ARHGAP32: variants seen among roughly 807,000 people sequenced by gnomAD.
ARHGAP32 encodes Rho GTPase activating protein 32, also known as rho GTPase-activating protein 32.
Under a neutral mutation model 186.5 loss-of-function variants are expected in ARHGAP32, and 51 were observed. The ratio of observed to expected loss-of-function variants is 0.27; its 90% CI spans 0.22 to 0.35. The LOEUF (loss-of-function observed/expected upper bound fraction) is 0.35. ARHGAP32 is among the 10% of genes least tolerant of loss of function. The probability of loss-of-function intolerance (pLI) is 1.00; values close to 1 mark genes in which losing one functional copy is unlikely to be tolerated. For missense variants in ARHGAP32, 2,186 were observed against 2,623.5 expected, an observed-to-expected ratio of 0.83 and a Z score of 3.64; for synonymous variants, 950 against 964.3, an observed-to-expected ratio of 0.99 and a Z score of 0.27.
intron 10 of ARHGAP32, among the ~76,000 whole-genome samples, chr11:129,041,809 G>A (rs1336467295): frequency 6.6e-6 from 1 of 152,198 alleles, no homozygotes; most frequent in Non-Finnish European, 1.5e-5. Flanking sequence ...GGAAACAAAA[G>A]CAAAGAGGAA....
At chr11:128,997,096 G>A (rs1365111566) in intron 12 of ARHGAP32, among the ~76,000 whole-genome samples, 1 of 152,092 alleles carries the variant, frequency 6.6e-6, no homozygotes, top group Middle Eastern at 3.2e-3. Flanking sequence ...TGCTTTTCTA[G>A]TTTTGAATAT....
intron 10 of ARHGAP32, among the ~76,000 whole-genome samples, chr11:129,044,880 C>G (rs571168835): frequency 5.9e-4 from 88 of 150,004 alleles, no homozygotes; most frequent in African/African-American, 2.1e-3. Flanking sequence ...GTTCGAGTAT[C>G]TTTTGGCAAA....
At chr11:129,099,836 A>G (rs1418706060) in intron 5 of ARHGAP32, among the ~76,000 whole-genome samples, 1 of 151,964 alleles carries the variant, frequency 6.6e-6, no homozygotes, top group Non-Finnish European at 1.5e-5. Context: ...CGTGCTTCTA[A>G]CAGATCTTCA....
At chr11:129,096,715 T>C (rs1376586436) in intron 5 of ARHGAP32, among the ~76,000 whole-genome samples, 1 of 152,218 alleles carries the variant, frequency 6.6e-6, no homozygotes, top group Non-Finnish European at 1.5e-5. Context: ...ATGTGTCCAT[T>C]ACACCTAGCT....
At chr11:129,148,055 A>G (rs1052430663) in intron 2 of ARHGAP32, among the ~76,000 whole-genome samples, 9 of 152,216 alleles carry the variant, frequency 5.9e-5, no homozygotes, top group Admixed American at 1.3e-4. Context: ...ATCTTAAGTT[A>G]CTTACATGAA....
chr11:129,053,107 A>C (rs1940122819), intron 10 of ARHGAP32, among the ~76,000 whole-genome samples: 1 of 152,036 alleles, frequency 6.6e-6, no homozygotes, highest in Non-Finnish European at 1.5e-5. Flanking sequence ...AAAACAAATA[A>C]AGTGTTCTTT....
chr11:129,221,888 C>T (rs1944717374), intron 1 of ARHGAP32, among the ~76,000 whole-genome samples: 2 of 152,074 alleles, frequency 1.3e-5, no homozygotes, highest in South Asian at 4.1e-4. Flanking sequence ...TCCTCCTGGA[C>T]GTACCCACAG....
intron 1 of ARHGAP32, among the ~76,000 whole-genome samples, chr11:129,256,761 T>C (rs982987491): frequency 2.0e-5 from 3 of 152,158 alleles, no homozygotes; most frequent in Non-Finnish European, 4.4e-5. Flanking sequence ...AATGTTTAGA[T>C]GCATGTAAAA....
rs1420708180 is a variant in ARHGAP32, at chr11:129,124,703, A to G, written c.317+100T>C. 1.7e-5 allele frequency: 15 copies of G among 862,926 alleles called. 1 individual carries two copies. Among genetic ancestry groups the G allele is most frequent in the South Asian group, 3.8e-5 (2 of 52,012 alleles). The allele number at this position is 862,926 out of a possible 1,614,324, so 53.5% of individuals were successfully genotyped here. A position where few individuals can be genotyped will look rare whatever the true frequency, so the allele number is the denominator to read the frequency against. On this transcript the variant is annotated intron_variant, in intron 3 of 22. Coordinates refer to ENST00000682385, the MANE Select transcript of ARHGAP32 (RefSeq NM_001378024.1). ...GGATTAGCAGTTGCACAGTAACAGC[A>G]TATTTTTGTAAAAAGTCTAAATAAA...
chr11:129,092,609 T>C (rs1028127708), intron 6 of ARHGAP32, among the ~76,000 whole-genome samples: 3 of 152,008 alleles, frequency 2.0e-5, no homozygotes, highest in Non-Finnish European at 4.4e-5. Context: ...ATCTTACTTA[T>C]TTATATACAA....
chr11:128,987,359 C>T (rs1945903889), intron 13 of ARHGAP32, among the ~76,000 whole-genome samples: 1 of 152,260 alleles, frequency 6.6e-6, no homozygotes, highest in Middle Eastern at 3.4e-3. Flanking sequence ...AAGACTGAAA[C>T]TGTCTTTAGT....
upstream of ARHGAP32, among the ~76,000 whole-genome samples, chr11:129,193,717 TTATATATTA>T (rs1416861308): frequency 1.6e-4 from 7 of 43,812 alleles, no homozygotes; most frequent in East Asian, 5.7e-4. Context: ...ATATTATATA[TTATATATTA>T]TATATAATAT....
At chr11:129,041,842 G>A (rs1419967241) in intron 10 of ARHGAP32, among the ~76,000 whole-genome samples, 1 of 152,210 alleles carries the variant, frequency 6.6e-6, no homozygotes, top group African/African-American at 2.4e-5. Flanking sequence ...ATTTATAGAT[G>A]TTTCCTTAGA....
intron 1 of ARHGAP32, among the ~76,000 whole-genome samples, chr11:129,170,741 C>T (rs1049147582): frequency 1.3e-5 from 2 of 152,198 alleles, no homozygotes; most frequent in Admixed American, 6.5e-5. Context: ...TGAGGAATTG[C>T]CATAGTGTCT....
At chr11:129,064,126 C>T in intron 8 of ARHGAP32, 102 bp from the exon 9 acceptor site, 1 of 1,034,380 alleles carries the variant, frequency 9.7e-7, no homozygotes, top group Non-Finnish European at 1.3e-6. Flanking sequence ...GATACAATAA[C>T]CCAAAGAGTC....
upstream of ARHGAP32, among the ~76,000 whole-genome samples, chr11:129,195,551 C>T (rs561756451): frequency 1.8e-4 from 27 of 151,622 alleles, no homozygotes; most frequent in Admixed American, 1.6e-3. Flanking sequence ...CCACCACACC[C>T]GCCTAATTTT....
intron 1 of ARHGAP32, among the ~76,000 whole-genome samples, chr11:129,210,431 C>G (rs1374457024): frequency 6.6e-6 from 1 of 152,190 alleles, no homozygotes; most frequent in Non-Finnish European, 1.5e-5. Context: ...CCCTGTATTA[C>G]AGCTGAGAAA....
chr11:129,199,001 G>C (rs1251515510), intron 1 of ARHGAP32, among the ~76,000 whole-genome samples: 1 of 152,168 alleles, frequency 6.6e-6, no homozygotes. Flanking sequence ...GGTGACCCTT[G>C]CTATGTTTTA....
intron 6 of ARHGAP32, among the ~76,000 whole-genome samples, chr11:129,076,174 C>T (rs74758407): frequency 0.013 from 2,055 of 152,302 alleles, 21 homozygotes; most frequent in South Asian, 0.031. Flanking sequence ...AACAATGAGA[C>T]AAACCCTCAG....
Sources: gnomAD v4.1 joint callset for allele counts (sites outside exome capture counted in the v4.1 genomes callset) on GRCh38, gnomAD v4.1.1 for gene constraint, MANE v1.5 for transcripts, NCBI Gene and HGNC (gene_info 2026-07-23, HGNC 2026-07-21) for gene names.